Variants in HEPHL1 observed in about 807,000 individuals in gnomAD.
The protein encoded by HEPHL1 is ferroxidase HEPHL1.
HEPHL1 carries 123 observed loss-of-function variants against 122.0 expected under a neutral mutation model. That is an observed-to-expected ratio of 1.01 (90% confidence interval 0.87 to 1.17). HEPHL1 has a LOEUF of 1.17. Ranked by LOEUF, HEPHL1 falls within the 50% of genes most tolerant of loss-of-function variation. The pLI is 0.00. For synonymous variants in HEPHL1, 527 were observed against 508.9 expected, an observed-to-expected ratio of 1.04 and a Z score of -0.48; for missense variants, 1,452 against 1,430.5, an observed-to-expected ratio of 1.01 and a Z score of -0.24.
At chr11:94,085,898 T>C (rs1946212636) in intron 10 of HEPHL1, 79 bp from the exon 11 acceptor site, 1 of 1,002,770 alleles carries the variant, frequency 1.0e-6, no homozygotes, top group African/African-American at 1.6e-5. Flanking sequence ...AAGGATCTTT[T>C]GTAAACAGTT....
rs1196014982 is a variant in HEPHL1 at position 94,110,959 on chromosome 11, C to T, written c.3102C>T (p.Thr1034=). 2 of 1,612,734 alleles carry T rather than the reference C, an allele frequency of 1.2e-6. No individual in the cohort carries two copies. Among genetic ancestry groups the T allele is most frequent in the Non-Finnish European group, 1.7e-6 (2 of 1,179,470 alleles). Residue 1034 remains threonine, a synonymous_variant, in exon 18 of 20, where the codon ACC becomes ACT. Coordinates refer to ENST00000315765, the MANE Select transcript of HEPHL1 (RefSeq NM_001098672.2). The part of the protein sequence containing the change: ...VYDLFPGTFQ[T]IELFADHPGT... ...ATCTCTTTCCTGGGACATTCCAAAC[C>T]ATTGAACTGTTTGCAGATCACCCAG... is the stretch of plus-strand genomic sequence containing the variant.
At chr11:94,054,565 C>T (rs935814751) in intron 2 of HEPHL1, among the ~76,000 whole-genome samples, 3 of 152,232 alleles carry the variant, frequency 2.0e-5, no homozygotes, top group Non-Finnish European at 4.4e-5. Flanking sequence ...TTCATCTGTG[C>T]AGGAACTGCT....
At chr11:94,044,240 C>T (rs940143550) in intron 1 of HEPHL1, among the ~76,000 whole-genome samples, 11 of 152,082 alleles carry the variant, frequency 7.2e-5, no homozygotes, top group South Asian at 2.1e-4. Context: ...GTCTGCCCTA[C>T]GTCTAGGTCC....
intron 1 of HEPHL1, among the ~76,000 whole-genome samples, chr11:94,035,481 G>C (rs1945712406): frequency 6.6e-6 from 1 of 152,180 alleles, no homozygotes. Context: ...TCTTCTGGGA[G>C]AGTTCCTTTT....
chr11:94,032,970 A>G (rs1945689488), intron 1 of HEPHL1, among the ~76,000 whole-genome samples: 1 of 152,264 alleles, frequency 6.6e-6, no homozygotes, highest in South Asian at 2.1e-4. Flanking sequence ...CTCATCTCCC[A>G]AGTGCTAGGA....
At chr11:94,107,077 C>A (rs1343949638) in intron 17 of HEPHL1, among the ~76,000 whole-genome samples, 1 of 152,224 alleles carries the variant, frequency 6.6e-6, no homozygotes, top group African/African-American at 2.4e-5. Context: ...TCCAAATAGT[C>A]TGTCATCCGA....
At chr11:94,044,090 G>A (rs1474164259) in intron 1 of HEPHL1, among the ~76,000 whole-genome samples, 1 of 151,746 alleles carries the variant, frequency 6.6e-6, no homozygotes, top group African/African-American at 2.4e-5. Flanking sequence ...CAGTATTTAT[G>A]GAGCTGGAGC....
rs537390549 is a variant in HEPHL1, at chr11:94,113,568, T to C, written c.*1674T>C. 1 of 152,352 alleles carries C rather than the reference T, an allele frequency of 6.6e-6. No individual in the cohort carries two copies. The highest frequency in any genetic ancestry group is 1.9e-4 in the East Asian group (1 of 5,194). 9.4% of individuals were successfully genotyped at this position (152,352 alleles called of 1,614,324 possible). ...GATTTCATAGTACATGTTCTACAGT[T>C]TTCATACATGTGTAGGCTGCATAAT... On this transcript the variant is annotated 3_prime_UTR_variant, in exon 20 of 20. Transcript: ENST00000315765.
At chr11:94,055,291 C>A in intron 2 of HEPHL1, 2 of 287,520 alleles carry the variant, frequency 7.0e-6, no homozygotes, top group Non-Finnish European at 1.4e-5. Flanking sequence ...TGTTTCACTC[C>A]CACCACTTCT....
intron 1 of HEPHL1, among the ~76,000 whole-genome samples, chr11:94,027,689 T>C (rs1401605321): frequency 6.6e-6 from 1 of 152,170 alleles, no homozygotes; most frequent in Admixed American, 6.5e-5. Flanking sequence ...AACCAGCAAG[T>C]GAGAGAGTTG....
intron 9 of HEPHL1, among the ~76,000 whole-genome samples, chr11:94,077,554 A>G (rs1946136190): frequency 6.6e-6 from 1 of 152,072 alleles, no homozygotes. Context: ...TCTTTTAGTT[A>G]TTTTCAAATG....
intron 13 of HEPHL1, among the ~76,000 whole-genome samples, chr11:94,094,338 T>G (rs1946292103): frequency 1.3e-5 from 2 of 152,112 alleles, no homozygotes; most frequent in South Asian, 2.1e-4. Flanking sequence ...TCATCATTTT[T>G]TATGGCTGCA....
rs772745207 is a variant in HEPHL1 at position 94,075,347 on chromosome 11, G to T, written c.1678G>T (p.Val560Phe). 1.2e-6 allele frequency: 2 copies of T among 1,613,306 alleles called. No individual in the cohort carries two copies. The highest frequency in any genetic ancestry group is 4.5e-5 in the East Asian group (2 of 44,866). Residue 560 changes from valine (V) to phenylalanine (F), a missense_variant, in exon 9 of 20, where the codon GTC becomes TTC. By Grantham distance (50) the Val-to-Phe change is conservative. Transcript: ENST00000315765. ...TSSGLVGPLL[V>F]CKKGVLNADG... ...CTCTGGCCTGGTAGGGCCTTTGCTA[G>T]TCTGTAAAAAGGGCGTCCTCAATGC...
At position 94,086,126 on chromosome 11, in the gene HEPHL1, C is replaced by T. The variant is rs747061547; in HGVS notation, c.2017C>T (p.Arg673Ter). 20 of 1,613,274 alleles carry T rather than the reference C, an allele frequency of 1.2e-5. No homozygotes were observed. In the Admixed American group the frequency reaches 2.0e-4, roughly 16 times the overall value. The stretch of plus-strand genomic sequence containing the variant: ...CACCATCCACCTACGAGGGACTCAC[C>T]GAGACTCCCTGGCCCTGTTTCCCCA... Reference protein sequence around the residue: ...GNTIHLRGTHRDSLALFPHMA... With the variant: ...GNTIHLRGTH The change falls in exon 11 of 20, where the codon CGA becomes TGA. Residue 673 changes from arginine to a stop codon, truncating the protein, a stop_gained. Coordinates refer to ENST00000315765, the MANE Select transcript of HEPHL1 (RefSeq NM_001098672.2). LOFTEE classifies it high-confidence loss of function.
intron 2 of HEPHL1, among the ~76,000 whole-genome samples, chr11:94,052,902 T>C (rs1016160423): frequency 2.6e-5 from 4 of 152,264 alleles, no homozygotes; most frequent in South Asian, 4.1e-4. Flanking sequence ...AGAATTTTTG[T>C]GTCTAAGTCA....
chr11:94,095,673 T>C (rs1946305441), intron 13 of HEPHL1, among the ~76,000 whole-genome samples: 1 of 152,140 alleles, frequency 6.6e-6, no homozygotes, highest in Admixed American at 6.5e-5. Flanking sequence ...TATTCTTCTG[T>C]TTGTTTGTGT....
chr11:94,039,202 A>C (rs1945751886), intron 1 of HEPHL1, among the ~76,000 whole-genome samples: 1 of 129,192 alleles, frequency 7.7e-6, no homozygotes, highest in African/African-American at 2.9e-5. Flanking sequence ...CCAATACAGG[A>C]GCACCCAGAT....
intron 2 of HEPHL1, among the ~76,000 whole-genome samples, chr11:94,054,056 T>C (rs946092922): frequency 3.9e-5 from 6 of 152,222 alleles, no homozygotes; most frequent in African/African-American, 1.4e-4. Context: ...AGTATTGAAA[T>C]CTTCAACAAT....
At chr11:94,084,256 C>G (rs1306803161) in intron 10 of HEPHL1, among the ~76,000 whole-genome samples, 4 of 151,556 alleles carry the variant, frequency 2.6e-5, no homozygotes, top group Non-Finnish European at 5.9e-5. Context: ...ATCTCTTCAG[C>G]CCGGGAGGTT....
Sources: gnomAD v4.1 joint callset for allele counts (sites outside exome capture counted in the v4.1 genomes callset) on GRCh38, gnomAD v4.1.1 for gene constraint, MANE v1.5 for transcripts, NCBI Gene and HGNC (gene_info 2026-07-23, HGNC 2026-07-21) for gene names.